The following PIGN variants were observed in gnomAD, a reference collection of about 807,000 sequenced individuals.
PIGN encodes GPI ethanolamine phosphate transferase 1.
Under a neutral mutation model 125.4 loss-of-function variants are expected in PIGN, and 117 were observed. The ratio of observed to expected loss-of-function variants is 0.93; its 90% CI spans 0.80 to 1.09. The LOEUF (loss-of-function observed/expected upper bound fraction) is 1.09. PIGN is among the 50% of genes least tolerant of loss of function. The pLI, the probability that PIGN is intolerant of heterozygous loss-of-function variation, is 0.00. For synonymous variants in PIGN, 392 were observed against 377.8 expected (o/e 1.04, Z -0.44); for missense variants, 1,075 against 1,094.9 (o/e 0.98, Z 0.26).
rs767501468 is a variant in PIGN at position 62,109,908 on chromosome 18, CA to C, written c.1499del (p.Leu500ArgfsTer24). ...AIGILVAFFL[L>X]IQACPWTYYV... is the part of the protein sequence containing the mutation. ...AATATGTCCAGGGACAGGCTTGAATCAGCAGAAAAAATGCTACTAAAATGCC... is the reference window on the plus strand; with the variant it reads ...AATATGTCCAGGGACAGGCTTGAATCGCAGAAAAAATGCTACTAAAATGCC... On this transcript the variant is annotated frameshift_variant, in exon 17 of 31. Transcript: ENST00000640252. LOFTEE classifies it high-confidence loss of function. 6.2e-7 allele frequency: 1 copy of C among 1,613,228 alleles called. No homozygotes were observed. Among genetic ancestry groups the C allele is most frequent in the African/African-American group, 1.3e-5 (1 of 74,970 alleles).
chr18:62,092,320 C>T (rs557857179), intron 23 of PIGN, among the ~76,000 whole-genome samples: 11 of 152,006 alleles, frequency 7.2e-5, no homozygotes, highest in African/African-American at 2.4e-4. Context: ...AAATAGTACC[C>T]CTCATATATA....
At chr18:62,080,145 GT>G (rs74715341) in intron 28 of PIGN, among the ~76,000 whole-genome samples, 2 of 152,152 alleles carry the variant, frequency 1.3e-5, no homozygotes, top group East Asian at 3.9e-4. Context: ...AAGTTTTTGT[GT>G]TTTTTTTCCC....
chr18:62,052,223 T>A (rs1299163953), intron 30 of PIGN: 1 of 151,940 alleles, frequency 6.6e-6, no homozygotes, highest in Non-Finnish European at 1.5e-5. Flanking sequence ...TAGGTCCACT[T>A]GGTGCAGAGC....
chr18:62,131,709 C>A (rs867997996), intron 14 of PIGN, among the ~76,000 whole-genome samples: 2 of 152,136 alleles, frequency 1.3e-5, no homozygotes, highest in Middle Eastern at 6.8e-3. Flanking sequence ...CCTGTTAGAC[C>A]CTTTTACAAG....
chr18:62,056,549 C>G (rs1447931150), intron 30 of PIGN, among the ~76,000 whole-genome samples: 1 of 151,884 alleles, frequency 6.6e-6, no homozygotes, highest in African/African-American at 2.4e-5. Flanking sequence ...ATAAAGTGAT[C>G]GCAAGAGAAG....
At chr18:62,049,779 C>G (rs974320941) in intron 30 of PIGN, among the ~76,000 whole-genome samples, 4 of 151,954 alleles carry the variant, frequency 2.6e-5, no homozygotes, top group African/African-American at 9.7e-5. Flanking sequence ...TTGTCCATGC[C>G]TATGTCCTGA....
chr18:62,071,107 C>T (rs2032820252), intron 30 of PIGN, among the ~76,000 whole-genome samples: 1 of 152,182 alleles, frequency 6.6e-6, no homozygotes, highest in South Asian at 2.1e-4. Flanking sequence ...CTGTTCCTGA[C>T]CTCAAATTAC....
At chr18:62,138,873 T>C (rs2036031263) in intron 13 of PIGN, 110 bp downstream of exon 13, 3 of 608,816 alleles carry the variant, frequency 4.9e-6, no homozygotes, top group Non-Finnish European at 8.5e-6. Flanking sequence ...TAAAGGTAAA[T>C]TACAGGGAAA....
chr18:62,185,084 T>G (rs1472646037), intron 1 of PIGN, among the ~76,000 whole-genome samples: 1 of 152,230 alleles, frequency 6.6e-6, no homozygotes, highest in Non-Finnish European at 1.5e-5. Context: ...TGCAGGAGAT[T>G]TCTCAATTTC....
chr18:62,070,471 T>C lies in PIGN; in HGVS notation c.2672+2202A>G, dbSNP rs2032780642. On this transcript the variant is annotated intron_variant, in intron 30 of 30. Coordinates refer to ENST00000640252, the MANE Select transcript of PIGN (RefSeq NM_176787.5). ...CAGTCTATTGGGAGAGGCAGATATG[T>C]ACATAAATAACCAGGCAGTACATGC... 6 of 398,412 alleles carry C rather than the reference T, an allele frequency of 1.5e-5. No homozygotes were observed. In the Admixed American group the frequency reaches 2.6e-4, roughly 18 times the overall value. The allele number at this position is 398,412 out of a possible 1,614,324, so 24.7% of individuals were successfully genotyped here. A position where few individuals can be genotyped will look rare whatever the true frequency, so the allele number is the denominator to read the frequency against.
At chr18:62,185,968 A>ACAGTGGAT (rs2037949752) in intron 1 of PIGN, among the ~76,000 whole-genome samples, 1 of 152,052 alleles carries the variant, frequency 6.6e-6, no homozygotes, top group Admixed American at 6.6e-5. Context: ...GTTGCAGGAG[A>ACAGTGGAT]CAGTGGATAA....
chr18:62,102,762 G>A lies in PIGN; in HGVS notation c.1968+32C>T, dbSNP rs369546842. ...TAAGACACATTTCAGTATATCATTAGTATAACATAGTATTGAAAATCTGTA... is the reference window on the plus strand; with the variant it reads ...TAAGACACATTTCAGTATATCATTAATATAACATAGTATTGAAAATCTGTA... On this transcript the variant is annotated intron_variant, in intron 21 of 30. Transcript: ENST00000640252. 10 of 972,570 alleles carry A rather than the reference G, an allele frequency of 1.0e-5. No homozygotes were observed. In the African/African-American group the frequency reaches 1.3e-4, roughly 13 times the overall value. 60.2% of individuals were successfully genotyped at this position (972,570 alleles called of 1,614,324 possible).
At position 62,044,385 on chromosome 18, in the gene PIGN, T is replaced by C. The variant is rs1173265713; in HGVS notation, c.*1471A>G. 1.3e-5 allele frequency: 2 copies of C among 152,232 alleles called. No individual in the cohort carries two copies. The highest frequency in any genetic ancestry group is 2.9e-5 in the Non-Finnish European group (2 of 68,050). The allele number at this position is 152,232 out of a possible 1,614,324, so 9.4% of individuals were successfully genotyped here. ...CTGATAAAAAAATCCTTTGAGGTAA[T>C]ATGAAAGTTCATGATTCTCATTCCA... On this transcript the variant is annotated 3_prime_UTR_variant, in exon 31 of 31. Coordinates refer to ENST00000640252, the MANE Select transcript of PIGN (RefSeq NM_176787.5).
At chr18:62,168,040 C>T (rs2037217150) in intron 1 of PIGN, among the ~76,000 whole-genome samples, 1 of 136,018 alleles carries the variant, frequency 7.4e-6, no homozygotes, top group Non-Finnish European at 1.6e-5. Context: ...ACCAAAAATA[C>T]AAAATTAGCT....
At chr18:62,090,778 T>C (rs904563303) in intron 23 of PIGN, among the ~76,000 whole-genome samples, 200 bp from the exon 24 acceptor site, 3 of 152,102 alleles carry the variant, frequency 2.0e-5, no homozygotes, top group Non-Finnish European at 4.4e-5. Flanking sequence ...TGATGTGAAA[T>C]CTTGAGATAA....
At chr18:62,109,478 A>T (rs749228255) in intron 17 of PIGN, among the ~76,000 whole-genome samples, 2 of 152,238 alleles carry the variant, frequency 1.3e-5, no homozygotes, top group Non-Finnish European at 2.9e-5. Flanking sequence ...ATGAAGATAT[A>T]TTGGAATCTG....
At chr18:62,073,002 C>G (rs1171713437) in intron 29 of PIGN, among the ~76,000 whole-genome samples, 3 of 152,072 alleles carry the variant, frequency 2.0e-5, no homozygotes, top group African/African-American at 7.2e-5. Flanking sequence ...ATAAAAAAAA[C>G]TAGATAATAC....
intron 30 of PIGN, among the ~76,000 whole-genome samples, chr18:62,068,342 C>T (rs1301201073): frequency 6.6e-6 from 1 of 152,176 alleles, no homozygotes; most frequent in Non-Finnish European, 1.5e-5. Context: ...CTTTGCCATA[C>T]CTGTCTGTAG....
At chr18:62,037,828 G>A (rs1231562939), downstream of PIGN, among the ~76,000 whole-genome samples, 4 of 152,134 alleles carry the variant, frequency 2.6e-5, no homozygotes, top group Non-Finnish European at 4.4e-5. Flanking sequence ...GACCAGGCTC[G>A]CTGAGGTCTG....
Sources: allele counts gnomAD v4.1 joint callset (sites outside exome capture counted in the v4.1 genomes callset), GRCh38; gene constraint gnomAD v4.1.1; transcripts MANE v1.5; gene names NCBI Gene and HGNC (gene_info 2026-07-23, HGNC 2026-07-21).